The following COL23A1 variants were observed in gnomAD, a reference collection of about 807,000 sequenced individuals.
COL23A1 encodes collagen type XXIII alpha 1 chain.
COL23A1 carries 97 observed loss-of-function variants against 99.3 expected under a neutral mutation model. The ratio of observed to expected loss-of-function variants is 0.98; its 90% confidence interval spans 0.83 to 1.16. COL23A1 has a LOEUF of 1.16. COL23A1 is among the 50% of genes most tolerant of loss of function. The probability of loss-of-function intolerance (pLI) is 0.00; values close to 1 mark genes in which losing one functional copy is unlikely to be tolerated. For missense variants in COL23A1, 762 were observed against 757.4 expected, an observed-to-expected ratio of 1.01 and a Z score of -0.07; for synonymous variants, 320 against 308.2, an observed-to-expected ratio of 1.04 and a Z score of -0.40.
chr5:178,543,791 C>A (rs1254767355), intron 2 of COL23A1, among the ~76,000 whole-genome samples: 3 of 152,160 alleles, frequency 2.0e-5, no homozygotes, highest in Non-Finnish European at 4.4e-5. Flanking sequence ...GTGGGGGCTG[C>A]TCTAAGAAAA....
intron 2 of COL23A1, among the ~76,000 whole-genome samples, chr5:178,375,663 TC>T (rs1436940379): frequency 1.3e-5 from 2 of 152,190 alleles, no homozygotes; most frequent in Non-Finnish European, 1.5e-5. Context: ...CTGTGCTGGA[TC>T]CCCGTCTCCA....
At chr5:178,562,900 A>G (rs391767) in intron 1 of COL23A1, among the ~76,000 whole-genome samples, 1 of 152,134 alleles carries the variant, frequency 6.6e-6, no homozygotes, top group East Asian at 1.9e-4. Context: ...TTTACAGAGC[A>G]CTGATTGGTG....
chr5:178,399,509 T>C (rs1219226885), intron 2 of COL23A1, among the ~76,000 whole-genome samples: 6 of 152,178 alleles, frequency 3.9e-5, no homozygotes, highest in African/African-American at 1.4e-4. Flanking sequence ...AGCCGATTGC[T>C]GGGAACATGG....
intron 1 of COL23A1, among the ~76,000 whole-genome samples, chr5:178,561,378 C>T (rs1307749148): frequency 6.6e-6 from 1 of 152,222 alleles, no homozygotes; most frequent in Non-Finnish European, 1.5e-5. Context: ...ACATGCCCAG[C>T]CCTGTGCCAG....
chr5:178,419,613 C>T (rs368384809), intron 2 of COL23A1, among the ~76,000 whole-genome samples: 11 of 152,282 alleles, frequency 7.2e-5, no homozygotes, highest in South Asian at 2.1e-4. Context: ...TCCCTAATGT[C>T]GGCGTGTGGG....
chr5:178,420,441 T>C, intron 2 of COL23A1, among the ~76,000 whole-genome samples: 1 of 76,956 alleles, frequency 1.3e-5, no homozygotes. Context: ...CCCCGCTCTT[T>C]CCTCCTCCCC....
chr5:178,579,674 G>T lies in COL23A1; in HGVS notation c.294+10230C>A, dbSNP rs566469565. Among the ~76,000 whole-genome samples, 92 of 152,130 alleles carry T rather than the reference G, an allele frequency of 6.0e-4. 1 individual carries two copies. The South Asian group carries it at 0.01, about 17-fold the overall frequency. On this transcript the variant is annotated intron_variant, in intron 1 of 28. Coordinates refer to ENST00000390654, the MANE Select transcript of COL23A1 (RefSeq NM_173465.4). ...TCACCATGTTTGCCAGGCTGGTCTC[G>T]AACTCTTGACCTTGTGATCCACCTG...
chr5:178,255,073 G>T lies in COL23A1; in HGVS notation c.883-47C>A. On this transcript the variant is annotated intron_variant, in intron 15 of 28. Coordinates refer to ENST00000390654, the MANE Select transcript of COL23A1 (RefSeq NM_173465.4). This position sits in a 1 kb window ranked among gnomAD's most constrained non-coding sequence, Gnocchi z 4.2. ...GAATTTCAGGGAAGAGCTACACTGA[G>T]TTGGAGGTGAAGTGGCAGCTGTCCC... 1 of 1,497,836 alleles carries T rather than the reference G, an allele frequency of 6.7e-7. No homozygotes were observed. Among genetic ancestry groups the T allele is most frequent in the Non-Finnish European group, 9.3e-7 (1 of 1,075,728 alleles). The allele number at this position is 1,497,836 out of a possible 1,614,324, so 92.8% of individuals were successfully genotyped here.
Position 178,428,951 on chromosome 5 carries a change from T to TAA in COL23A1, c.362-122033_362-122032insTT, listed in dbSNP as rs2127813453. 8.1e-6 allele frequency among the ~76,000 whole-genome samples: 1 copy of TAA among 123,060 alleles called. No individual in the cohort carries two copies. Among genetic ancestry groups the TAA allele is most frequent in the East Asian group, 9.3e-4 (1 of 1,074 alleles). The allele number at this position is 123,060 out of a possible 152,430, so 80.7% of individuals were successfully genotyped here. ...CACAGACAGGCAGGCCCTCCGTGAG[T>TAA]GTCCTGAGACCCTACCACACCCCAG... On this transcript the variant is annotated intron_variant, in intron 2 of 28. Transcript: ENST00000390654. The surrounding 1 kb of genome is among the most constrained non-coding windows in gnomAD (Gnocchi z 5.0).
intron 3 of COL23A1, among the ~76,000 whole-genome samples, chr5:178,303,511 C>G (rs1758181834): frequency 6.6e-6 from 1 of 152,318 alleles, no homozygotes; most frequent in South Asian, 2.1e-4. Flanking sequence ...TAGAAGTCCT[C>G]ATTCCGCCAT....
Position 178,506,266 on chromosome 5 carries a change from C to T in COL23A1, c.361+54416G>A, listed in dbSNP as rs1325158808. On this transcript the variant is annotated intron_variant, in intron 2 of 28. Transcript: ENST00000390654. Reference sequence around the variant, plus strand: ...TCCAGTCCTGGGCGAGGGTGGTTTCCGGCCTACCAAATGACTGACAGTTCT... The same window carrying T: ...TCCAGTCCTGGGCGAGGGTGGTTTCTGGCCTACCAAATGACTGACAGTTCT... Among the ~76,000 whole-genome samples, 6 of 152,166 alleles carry T rather than the reference C, an allele frequency of 3.9e-5. 1 individual carries two copies. The highest frequency in any genetic ancestry group is 4.1e-4 in the South Asian group (2 of 4,830).
chr5:178,277,679 C>T (rs186712981), intron 5 of COL23A1, among the ~76,000 whole-genome samples: 37 of 152,320 alleles, frequency 2.4e-4, no homozygotes, highest in African/African-American at 7.5e-4. Flanking sequence ...AGGACCTGCT[C>T]GGTGATGCCT....
At chr5:178,573,615 C>A (rs1763212667) in intron 1 of COL23A1, among the ~76,000 whole-genome samples, 2 of 152,176 alleles carry the variant, frequency 1.3e-5, no homozygotes, top group African/African-American at 4.8e-5. Context: ...CATTCACATT[C>A]ATTATTTTTT....
At chr5:178,433,519 A>C (rs1766380629) in intron 2 of COL23A1, among the ~76,000 whole-genome samples, 1 of 152,004 alleles carries the variant, frequency 6.6e-6, no homozygotes, top group African/African-American at 2.4e-5. Flanking sequence ...ATCATTGGCA[A>C]TTGGTGATTA....
intron 2 of COL23A1, among the ~76,000 whole-genome samples, chr5:178,386,984 C>G (rs1181072319): frequency 6.6e-6 from 1 of 152,066 alleles, no homozygotes; most frequent in Admixed American, 6.5e-5. Flanking sequence ...GCAATAAATA[C>G]CCACAGGCTG....
intron 2 of COL23A1, among the ~76,000 whole-genome samples, chr5:178,319,100 G>T (rs1476795663): frequency 6.6e-6 from 1 of 152,160 alleles, no homozygotes; most frequent in South Asian, 2.1e-4. Context: ...GTGGCCAGCG[G>T]TGGGTGGGGG....
chr5:178,578,989 G>T (rs1302286804), intron 1 of COL23A1, among the ~76,000 whole-genome samples: 1 of 152,120 alleles, frequency 6.6e-6, no homozygotes, highest in Admixed American at 6.5e-5. Context: ...CTGCTCAAAT[G>T]ATAAACCAAA....
chr5:178,351,624 C>T (rs991612118), intron 2 of COL23A1, among the ~76,000 whole-genome samples: 4 of 152,082 alleles, frequency 2.6e-5, no homozygotes, highest in African/African-American at 7.2e-5. Context: ...CAGCGCAGGC[C>T]GGGGCAAGGT....
At chr5:178,521,730 T>G (rs570668033) in intron 2 of COL23A1, among the ~76,000 whole-genome samples, 2 of 152,200 alleles carry the variant, frequency 1.3e-5, no homozygotes, top group African/African-American at 4.8e-5. Context: ...GAAGTCCTTA[T>G]GCTAAGTGAA....
Sources: gnomAD v4.1 joint callset for allele counts (sites outside exome capture counted in the v4.1 genomes callset) on GRCh38, gnomAD v4.1.1 for gene constraint, Gnocchi (gnomAD v3.1) non-coding constraint, MANE v1.5 for transcripts, NCBI Gene and HGNC (gene_info 2026-07-23, HGNC 2026-07-21) for gene names.